The following HPSE variants were observed in gnomAD, a reference collection of about 807,000 sequenced individuals.
HPSE encodes heparanase.
Under a neutral mutation model 65.1 loss-of-function variants are expected in HPSE, and 48 were observed. That is an observed-to-expected ratio of 0.74 (90% CI 0.58 to 0.94). The LOEUF (loss-of-function observed/expected upper bound fraction) is 0.94, where lower values mean the gene tolerates loss of function less well. Ranked by LOEUF, HPSE falls within the 40% of genes least tolerant of loss-of-function variation. HPSE has a pLI of 0.00. For synonymous variants in HPSE, 243 were observed against 260.0 expected (o/e 0.93, Z 0.63); for missense variants, 644 against 637.5 (o/e 1.01, Z -0.11).
At chr4:83,334,917 C>T, upstream of HPSE, 9 of 1,359,480 alleles carry the variant, frequency 6.6e-6, no homozygotes, top group South Asian at 1.1e-4. Context: ...ACCCCTCCCA[C>T]TGCGCCCTCC....
At chr4:83,313,066 G>T (rs754447229) in intron 4 of HPSE, 48 bp downstream of exon 4, 7 of 1,091,536 alleles carry the variant, frequency 6.4e-6, no homozygotes, top group South Asian at 1.5e-5. Context: ...AAGAAATAAT[G>T]CTAGTGGGGG....
Position 83,308,871 on chromosome 4 carries a change from T to C in HPSE, c.1065A>G (p.Leu355=). Reference sequence around the variant, plus strand: ...TAAAGCCAGCTGCAAAGGTGTCGGATAGCAAGGGCGCTCCGCCTCCATATG... The same window carrying C: ...TAAAGCCAGCTGCAAAGGTGTCGGACAGCAAGGGCGCTCCGCCTCCATATG... ...SSAYGGGAPL[L]SDTFAAGFMW... is the part of the protein sequence containing the mutation. Residue 355 remains leucine, a synonymous_variant, in exon 8 of 12, where the codon CTA becomes CTG. Transcript: ENST00000311412. 1 of 1,614,014 alleles carries C rather than the reference T, an allele frequency of 6.2e-7. No individual in the cohort carries two copies. The highest frequency in any genetic ancestry group is 1.1e-5 in the South Asian group (1 of 91,068).
intron 3 of HPSE, among the ~76,000 whole-genome samples, chr4:83,316,562 G>A (rs1465624739): frequency 6.6e-6 from 1 of 152,136 alleles, no homozygotes; most frequent in African/African-American, 2.4e-5. Context: ...GTAAGTCTAT[G>A]TCAGCATCCA....
Position 83,296,606 on chromosome 4 carries a change from C to T in HPSE, c.1473-1103G>A, listed in dbSNP as rs536659329. On this transcript the variant is annotated intron_variant, in intron 11 of 11. Coordinates refer to ENST00000311412, the MANE Select transcript of HPSE (RefSeq NM_001098540.3). Reference sequence around the variant, plus strand: ...ATGAGAATCGTTTGAACCTGGGAGGCGGAGGTTGCAGTGAGCCGAGATTGC... The same window carrying T: ...ATGAGAATCGTTTGAACCTGGGAGGTGGAGGTTGCAGTGAGCCGAGATTGC... Among the ~76,000 whole-genome samples the T allele has an allele frequency of 1.0e-4, 15 of 149,526 alleles. No individual in the cohort carries two copies. The East Asian group carries it at 2.9e-3, about 29-fold the overall frequency.
At chr4:83,324,357 T>C (rs2126196006) in intron 1 of HPSE, among the ~76,000 whole-genome samples, 1 of 152,284 alleles carries the variant, frequency 6.6e-6, no homozygotes, top group South Asian at 2.1e-4. Context: ...TAAGATGTGC[T>C]CATGCTTAAT....
intron 3 of HPSE, 123 bp downstream of exon 3, chr4:83,319,221 G>A: frequency 1.0e-6 from 1 of 974,348 alleles, no homozygotes; most frequent in East Asian, 2.5e-5. Flanking sequence ...TCCCATTTGG[G>A]AAATGCTTCA....
In HPSE at chr4:83,298,915, T is replaced by C. The variant is rs143175122; in HGVS notation, c.1472+2045A>G. ...CATTAATATGAGTAAGCGTACAGACTGTGCACTCAAAAACTTATCTAGGAT... is the reference window on the plus strand; with the variant it reads ...CATTAATATGAGTAAGCGTACAGACCGTGCACTCAAAAACTTATCTAGGAT... On this transcript the variant is annotated intron_variant, in intron 11 of 11. Transcript: ENST00000311412. 7.3e-3 allele frequency among the ~76,000 whole-genome samples: 1,111 copies of C among 152,318 alleles called. 12 individuals carry two copies. The highest frequency in any genetic ancestry group is 0.025 in the African/African-American group (1,051 of 41,562).
At position 83,318,403 on chromosome 4, in the gene HPSE, T is replaced by G. The variant is rs769396498; in HGVS notation, c.499+941A>C. On this transcript the variant is annotated intron_variant, in intron 3 of 11. Coordinates refer to ENST00000311412, the MANE Select transcript of HPSE (RefSeq NM_001098540.3). ...ACTTTGGGAGGCTGAGGTGGGTGGA[T>G]CACCTGAGGTCAGGAGTTCGAGACG... Among the ~76,000 whole-genome samples, 50 of 152,026 alleles carry G rather than the reference T, an allele frequency of 3.3e-4. 1 individual carries two copies. The highest frequency in any genetic ancestry group is 5.6e-4 in the Non-Finnish European group (38 of 68,004).
chr4:83,328,748 AG>A (rs1339755122), intron 1 of HPSE, among the ~76,000 whole-genome samples: 3 of 1,008 alleles, frequency 3.0e-3, no homozygotes, highest in Non-Finnish European at 6.9e-3. Flanking sequence ...GAGATGGGAA[AG>A]GCTTGGGGAA....
intron 1 of HPSE, among the ~76,000 whole-genome samples, chr4:83,330,859 A>G (rs1353577671): frequency 2.0e-5 from 3 of 152,150 alleles, no homozygotes; most frequent in African/African-American, 7.2e-5. Context: ...GCAGATCTGT[A>G]CTGTCCACTA....
rs1298814823 is a variant in HPSE at position 83,292,769 on chromosome 4, A to G, written c.*2575T>C. On this transcript the variant is annotated 3_prime_UTR_variant, in exon 12 of 12. Transcript: ENST00000311412. ...GAAGTAACTCAGGAATGGAAAACCA[A>G]ATACTGCATGTTCTCACTTATAAGT... 1 of 152,228 alleles carries G rather than the reference A, an allele frequency of 6.6e-6. No individual in the cohort carries two copies. Among genetic ancestry groups the G allele is most frequent in the Non-Finnish European group, 1.5e-5 (1 of 68,044 alleles). The allele number at this position is 152,228 out of a possible 1,614,324, so 9.4% of individuals were successfully genotyped here.
At chr4:83,311,012 A>G in intron 4 of HPSE, 122 bp from the exon 5 acceptor site, 1 of 815,376 alleles carries the variant, frequency 1.2e-6, no homozygotes, top group Non-Finnish European at 1.9e-6. Flanking sequence ...TTCAAAGTCA[A>G]GAAAAGTAAA....
chr4:83,335,110 TGGGGAGGAGCGCCC>T (rs569037013), upstream of HPSE: 234 of 259,372 alleles, frequency 9.0e-4, no homozygotes, highest in African/African-American at 4.5e-3. Flanking sequence ...CCGGGAGGCC[TGGGGAGGAGCGCCC>T]GGGGAGGAGC....
Position 83,322,350 on chromosome 4 carries a change from C to T in HPSE, c.242G>A (p.Arg81His), listed in dbSNP as rs781393849. 2.5e-5 allele frequency: 40 copies of T among 1,611,578 alleles called. No individual in the cohort carries two copies. In the Middle Eastern group the frequency reaches 6.6e-4, roughly 27 times the overall value. ...FLILLGSPKL[R>H]TLARGLSPAY... ...AGGAGACAAGCCTCTGGCCAAGGTACGAAGCTTTGGAGAACTGTTAGGAAG... is the reference window on the plus strand; with the variant it reads ...AGGAGACAAGCCTCTGGCCAAGGTATGAAGCTTTGGAGAACTGTTAGGAAG... Residue 81 changes from arginine to histidine, a missense_variant, in exon 2 of 12, where the codon CGT becomes CAT. By Grantham distance (29) the Arg-to-His change is conservative (BLOSUM62 0). Coordinates refer to ENST00000311412, the MANE Select transcript of HPSE (RefSeq NM_001098540.3).
Position 83,326,216 on chromosome 4 carries a change from T to C in HPSE, c.228-3852A>G, listed in dbSNP as rs1335030693. ...ACACTTAGAGGTAGAAATAATAGATTTGAGTTTTTAAAATAACTTTTTTTA... is the reference window on the plus strand; with the variant it reads ...ACACTTAGAGGTAGAAATAATAGATCTGAGTTTTTAAAATAACTTTTTTTA... On this transcript the variant is annotated intron_variant, in intron 1 of 11. Coordinates refer to ENST00000311412, the MANE Select transcript of HPSE (RefSeq NM_001098540.3). The surrounding 1 kb of genome is among the most constrained non-coding windows in gnomAD (Gnocchi z 4.2). Among the ~76,000 whole-genome samples the C allele has an allele frequency of 6.6e-6, 1 of 152,150 alleles. No individual in the cohort carries two copies. Among genetic ancestry groups the C allele is most frequent in the Non-Finnish European group, 1.5e-5 (1 of 68,026 alleles).
chr4:83,303,306 CACATTAATAAATTACAA>C (rs1351006275), intron 9 of HPSE, among the ~76,000 whole-genome samples: 17 of 152,004 alleles, frequency 1.1e-4, no homozygotes. Flanking sequence ...CCTGTTTTTT[CACATTAATAAATTACAA>C]GAGATGAAAG....
intron 3 of HPSE, among the ~76,000 whole-genome samples, chr4:83,314,352 C>A (rs1315361399): frequency 2.6e-5 from 4 of 151,740 alleles, no homozygotes; most frequent in Non-Finnish European, 4.4e-5. Flanking sequence ...CAACTCTAAC[C>A]AGGCAGTGCT....
Position 83,302,282 on chromosome 4 carries a change from T to A in HPSE, c.1207-14A>T. 1.3e-6 allele frequency: 2 copies of A among 1,565,112 alleles called. No individual in the cohort carries two copies. The highest frequency in any genetic ancestry group is 8.8e-7 in the Non-Finnish European group (1 of 1,136,926). On this transcript the variant is annotated splice_polypyrimidine_tract_variant and intron_variant, in intron 9 of 11. Transcript: ENST00000311412. ...TAGCCAATAATCCTAGTTGTGGTGG[T>A]TGGGGAGAAAGAGACAAAAATAGAT...
chr4:83,322,551 G>C (rs2126195000), intron 1 of HPSE, among the ~76,000 whole-genome samples, 187 bp from the exon 2 acceptor site: 1 of 152,058 alleles, frequency 6.6e-6, no homozygotes, highest in Non-Finnish European at 1.5e-5. Context: ...GGAGTGCAGT[G>C]GCGCGATCTC....
Sources: gnomAD v4.1 joint callset for allele counts (sites outside exome capture counted in the v4.1 genomes callset) on GRCh38, gnomAD v4.1.1 for gene constraint, Gnocchi (gnomAD v3.1) non-coding constraint, MANE v1.5 for transcripts, NCBI Gene and HGNC (gene_info 2026-07-23, HGNC 2026-07-21) for gene names.